The following PDE8A variants were observed in gnomAD, a reference collection of about 807,000 sequenced individuals.
The protein encoded by PDE8A is high affinity cAMP-specific and IBMX-insensitive 3',5'-cyclic phosphodiesterase 8A.
PDE8A carries 59 observed loss-of-function variants against 105.0 expected under a neutral mutation model. The ratio of observed to expected loss-of-function variants is 0.56; its 90% CI spans 0.46 to 0.70. The LOEUF is 0.70. Among genes scored for constraint, PDE8A ranks in the 30% least tolerant of loss-of-function variants. The probability of loss-of-function intolerance (pLI) is 0.00; values close to 1 mark genes in which losing one functional copy is unlikely to be tolerated. For missense variants in PDE8A, 1,014 were observed against 1,045.9 expected, an observed-to-expected ratio of 0.97 and a Z score of 0.42; for synonymous variants, 355 against 371.9, an observed-to-expected ratio of 0.95 and a Z score of 0.52.
chr15:85,059,211 C>T (rs2081107675), intron 1 of PDE8A, among the ~76,000 whole-genome samples: 1 of 152,104 alleles, frequency 6.6e-6, no homozygotes, highest in Non-Finnish European at 1.5e-5. Flanking sequence ...TTATTGATTT[C>T]TCACTTTATC....
chr15:85,115,977 T>A lies in PDE8A; in HGVS notation c.1400-7T>A. 17 of 1,610,718 alleles carry A rather than the reference T, an allele frequency of 1.1e-5. No homozygotes were observed. The highest frequency in any genetic ancestry group is 1.4e-5 in the Non-Finnish European group (17 of 1,177,212). On this transcript the variant is annotated splice_region_variant and splice_polypyrimidine_tract_variant and intron_variant, in intron 15 of 21. Coordinates refer to ENST00000394553, the MANE Select transcript of PDE8A (RefSeq NM_002605.3). The stretch of plus-strand genomic sequence containing the variant: ...CTATTTGTTCTCCAAATTACATCAC[T>A]TTACAGACACTCAAATGGTTTCAAG...
intron 11 of PDE8A, among the ~76,000 whole-genome samples, chr15:85,103,106 C>T (rs925249670): frequency 5.3e-5 from 8 of 152,046 alleles, no homozygotes; most frequent in African/African-American, 1.9e-4. Flanking sequence ...CCAGTAGTCC[C>T]AGCTACAGGG....
intron 1 of PDE8A, among the ~76,000 whole-genome samples, chr15:85,035,826 T>C (rs57480671): frequency 0.088 from 13,464 of 152,284 alleles, 1,656 homozygotes; most frequent in African/African-American, 0.28. Flanking sequence ...TCCCCTAATA[T>C]GTGTATTTAA....
intron 1 of PDE8A, among the ~76,000 whole-genome samples, chr15:85,016,590 T>A (rs2080328698): frequency 6.6e-6 from 1 of 152,250 alleles, no homozygotes; most frequent in South Asian, 2.1e-4. Flanking sequence ...AGGCTATTCC[T>A]CTCTCTTTTC....
At position 85,136,598 on chromosome 15, in the gene PDE8A, G is replaced by A; in HGVS notation, c.2318G>A (p.Ser773Asn). ...VMPVFDRNTC[S>N]IPKSQISFID... ...CCAGTGTTTGACAGAAATACCTGCAGCATCCCCAAATCCCAAATCTCTTTC... is the reference window on the plus strand; with the variant it reads ...CCAGTGTTTGACAGAAATACCTGCAACATCCCCAAATCCCAAATCTCTTTC... The change falls in exon 21 of 22, where the codon AGC becomes AAC. Residue 773 changes from serine to asparagine, a missense_variant. Ser to Asn is a conservative substitution (Grantham distance 46). Transcript: ENST00000394553. The A allele has an allele frequency of 6.2e-7, 1 of 1,613,620 alleles. No homozygotes were observed.
chr15:85,040,867 G>T (rs2080796005), intron 1 of PDE8A, among the ~76,000 whole-genome samples: 2 of 152,100 alleles, frequency 1.3e-5, no homozygotes, highest in East Asian at 3.8e-4. Flanking sequence ...CCTTGCTTAT[G>T]TATTTTTAAT....
chr15:84,992,346 A>G (rs1223168466), intron 1 of PDE8A, among the ~76,000 whole-genome samples: 1 of 152,092 alleles, frequency 6.6e-6, no homozygotes, highest in Non-Finnish European at 1.5e-5. Context: ...AGTGGAAAAT[A>G]TATCTCTGGA....
At chr15:85,118,467 C>T (rs953711973) in intron 17 of PDE8A, among the ~76,000 whole-genome samples, 5 of 152,186 alleles carry the variant, frequency 3.3e-5, no homozygotes, top group African/African-American at 1.2e-4. Context: ...TGGGCAGTTC[C>T]AAACTAGAAT....
At chr15:85,039,515 TA>T (rs1197071057) in intron 1 of PDE8A, among the ~76,000 whole-genome samples, 3 of 151,986 alleles carry the variant, frequency 2.0e-5, no homozygotes, top group African/African-American at 7.3e-5. Context: ...ATTGTAAATA[TA>T]TACAGTCACT....
At chr15:85,114,934 T>C (rs2082072405) in intron 14 of PDE8A, among the ~76,000 whole-genome samples, 4 of 152,028 alleles carry the variant, frequency 2.6e-5, no homozygotes. Context: ...CCAGGTGGTC[T>C]GGAAGCAGTG....
intron 3 of PDE8A, among the ~76,000 whole-genome samples, chr15:85,070,555 G>A (rs2081296160): frequency 6.6e-6 from 1 of 152,176 alleles, no homozygotes; most frequent in Non-Finnish European, 1.5e-5. Context: ...CTTAAAGGAT[G>A]AGCAGGAGTT....
At chr15:85,031,577 A>T (rs1392883397) in intron 1 of PDE8A, among the ~76,000 whole-genome samples, 1 of 152,096 alleles carries the variant, frequency 6.6e-6, no homozygotes. Flanking sequence ...CAGCAATACC[A>T]TGCAGTGACT....
At chr15:85,106,916 A>T (rs994226242) in intron 11 of PDE8A, among the ~76,000 whole-genome samples, 1 of 152,212 alleles carries the variant, frequency 6.6e-6, no homozygotes, top group Non-Finnish European at 1.5e-5. Context: ...TTGGTGAAGC[A>T]GATGTGTATT....
intron 1 of PDE8A, among the ~76,000 whole-genome samples, chr15:85,017,887 C>CAAAA (rs35782842): frequency 8.6e-5 from 7 of 81,290 alleles, no homozygotes; most frequent in Admixed American, 5.9e-4. Flanking sequence ...AACTCCGTCT[C>CAAAA]AAAAAAAAAA....
At chr15:85,014,896 C>A (rs1458696382) in intron 1 of PDE8A, among the ~76,000 whole-genome samples, 1 of 152,144 alleles carries the variant, frequency 6.6e-6, no homozygotes, top group East Asian at 1.9e-4. Context: ...AAACCCTGTA[C>A]CTAATAACAG....
At chr15:85,124,854 C>T (rs2082235349) in intron 19 of PDE8A, among the ~76,000 whole-genome samples, 1 of 152,216 alleles carries the variant, frequency 6.6e-6, no homozygotes, top group Non-Finnish European at 1.5e-5. Context: ...ACTTGGTTTC[C>T]TCTGTCTAGT....
chr15:85,029,340 T>C (rs897162719), intron 1 of PDE8A, among the ~76,000 whole-genome samples: 9 of 151,986 alleles, frequency 5.9e-5, no homozygotes, highest in African/African-American at 2.2e-4. Flanking sequence ...TACATCTCTT[T>C]CCTGTTTTCA....
At chr15:85,028,820 T>C (rs895890528) in intron 1 of PDE8A, among the ~76,000 whole-genome samples, 1 of 152,152 alleles carries the variant, frequency 6.6e-6, no homozygotes, top group Non-Finnish European at 1.5e-5. Context: ...TTCTTGTCCT[T>C]TCCAATCACC....
intron 20 of PDE8A, 93 bp from the exon 21 acceptor site, chr15:85,136,441 C>A: frequency 1.5e-6 from 2 of 1,376,938 alleles, no homozygotes; most frequent in South Asian, 1.4e-5. Flanking sequence ...CCACCTTAGG[C>A]TGCCAGGAGA....
Sources: allele counts gnomAD v4.1 joint callset (sites outside exome capture counted in the v4.1 genomes callset), GRCh38; gene constraint gnomAD v4.1.1; transcripts MANE v1.5; gene names NCBI Gene and HGNC (gene_info 2026-07-23, HGNC 2026-07-21).